CCDC85C: variants seen among roughly 807,000 people sequenced by gnomAD.
CCDC85C encodes the protein coiled-coil domain-containing protein 85C.
Under a neutral mutation model 38.3 loss-of-function variants are expected in CCDC85C, and 18 were observed. The ratio of observed to expected loss-of-function variants is 0.47; its 90% confidence interval spans 0.33 to 0.70. The LOEUF is 0.70. CCDC85C is among the 30% of genes least tolerant of loss of function. The pLI, the probability that CCDC85C is intolerant of heterozygous loss-of-function variation, is 0.03. For missense variants in CCDC85C, 566 were observed against 621.2 expected (o/e 0.91, Z 0.94); for synonymous variants, 264 against 293.8 (o/e 0.90, Z 1.04).
chr14:99,537,701 C>T (rs1408737017), intron 1 of CCDC85C, among the ~76,000 whole-genome samples: 3 of 152,210 alleles, frequency 2.0e-5, no homozygotes, highest in Admixed American at 2.0e-4. Flanking sequence ...GGCAGACCAC[C>T]CCTGCCCTCA....
At chr14:99,546,256 C>G (rs1009119440) in intron 1 of CCDC85C, among the ~76,000 whole-genome samples, 2 of 151,966 alleles carry the variant, frequency 1.3e-5, no homozygotes, top group African/African-American at 4.8e-5. Context: ...CCTGCCCCCA[C>G]AGCTCTGCCC....
intron 1 of CCDC85C, among the ~76,000 whole-genome samples, chr14:99,575,902 G>T (rs1335891758): frequency 1.3e-5 from 2 of 152,198 alleles, no homozygotes; most frequent in African/African-American, 4.8e-5. Context: ...GCCTACAGGG[G>T]GCAGAGGTAG....
intron 1 of CCDC85C, chr14:99,583,162 A>C (rs1453640181): frequency 6.6e-6 from 1 of 152,250 alleles, no homozygotes; most frequent in Non-Finnish European, 1.5e-5. Flanking sequence ...TAAACTAAAA[A>C]AAATTTTTAA....
chr14:99,563,676 A>C (rs1595088142), intron 1 of CCDC85C, among the ~76,000 whole-genome samples: 1 of 152,358 alleles, frequency 6.6e-6, no homozygotes, highest in East Asian at 1.9e-4. Context: ...AGGCAGCGGC[A>C]TGGCGCTCAC....
chr14:99,602,454 G>A (rs1211872877), intron 1 of CCDC85C, among the ~76,000 whole-genome samples: 3 of 152,208 alleles, frequency 2.0e-5, no homozygotes, highest in Admixed American at 6.5e-5. Context: ...AAACCCACGA[G>A]GCAGAGGTCA....
At chr14:99,577,302 A>T (rs1898499722) in intron 1 of CCDC85C, among the ~76,000 whole-genome samples, 1 of 151,166 alleles carries the variant, frequency 6.6e-6, no homozygotes, top group Admixed American at 6.6e-5. Flanking sequence ...AGTGTCCTAG[A>T]GCCCACTTAG....
Position 99,548,160 on chromosome 14 carries a change from G to A in CCDC85C, c.794-12072C>T, listed in dbSNP as rs1466227828. On this transcript the variant is annotated intron_variant, in intron 1 of 5. Transcript: ENST00000380243. This position sits in a 1 kb window ranked among gnomAD's most constrained non-coding sequence, Gnocchi z 4.9. The stretch of plus-strand genomic sequence containing the variant: ...TGGACAACAAGCTGCCATCTGGGAG[G>A]AGCCATGTGTAAGTCCCCTCCCAGA... Among the ~76,000 whole-genome samples the A allele has an allele frequency of 1.3e-5, 2 of 152,012 alleles. No individual in the cohort carries two copies. Among genetic ancestry groups the A allele is most frequent in the African/African-American group, 2.4e-5 (1 of 41,376 alleles).
At chr14:99,559,240 C>T (rs75597335) in intron 1 of CCDC85C, among the ~76,000 whole-genome samples, 2,916 of 151,868 alleles carry the variant, frequency 0.019, 95 homozygotes, top group African/African-American at 0.067. Flanking sequence ...CCAAAAGGAA[C>T]TGGCCCCGCT....
Position 99,503,378 on chromosome 14 carries a change from T to G in CCDC85C, c.*11868A>C. 4 of 602,270 alleles carry G rather than the reference T, an allele frequency of 6.6e-6. No homozygotes were observed. Among genetic ancestry groups the G allele is most frequent in the Non-Finnish European group, 1.2e-5 (4 of 338,180 alleles). 37.3% of individuals were successfully genotyped at this position (602,270 alleles called of 1,614,324 possible). ...CTTAGTGTTTACTCAGAACTCACCATTCAGGAAAGCTAGTCATTCTGTCTT... is the reference window on the plus strand; with the variant it reads ...CTTAGTGTTTACTCAGAACTCACCAGTCAGGAAAGCTAGTCATTCTGTCTT... On this transcript the variant is annotated 3_prime_UTR_variant, in exon 6 of 6. Transcript: ENST00000380243.
Position 99,603,587 on chromosome 14 carries a change from G to T in CCDC85C, c.373C>A (p.Gln125Lys). Residue 125 changes from glutamine to lysine, a missense_variant, in exon 1 of 6, where the codon CAG becomes AAG. This residue lies in a region of CCDC85C where 269 missense variants were observed against 308.2 expected (regional missense o/e 0.87). Coordinates refer to ENST00000380243, the MANE Select transcript of CCDC85C (RefSeq NM_001144995.2). This position sits in a 1 kb window ranked among gnomAD's most constrained non-coding sequence, Gnocchi z 7.5. ...CGCGCCTCGAGCTCGCGCAGCTTCT[G>T]CTGCGAGCGGGCCACCTCGTGCCAC... is the stretch of plus-strand genomic sequence containing the variant. ...AVWHEVARSQ[Q>K]KLRELEARQE... The T allele has an allele frequency of 7.0e-7, 1 of 1,424,648 alleles. No homozygotes were observed. Among genetic ancestry groups the T allele is most frequent in the Non-Finnish European group, 9.1e-7 (1 of 1,094,600 alleles). The allele number at this position is 1,424,648 out of a possible 1,614,324, so 88.3% of individuals were successfully genotyped here. A position where few individuals can be genotyped will look rare whatever the true frequency, so the allele number is the denominator to read the frequency against.
In CCDC85C at chr14:99,588,578, C is replaced by T. The variant is rs940248282; in HGVS notation, c.793+14589G>A. ...GCTCCTGCTGGCGATGGCGCTGGCC[C>T]GGGAGGCCTGAGGAAGCGAGCTGGG... On this transcript the variant is annotated intron_variant, in intron 1 of 5. Transcript: ENST00000380243. This position sits in a 1 kb window ranked among gnomAD's most constrained non-coding sequence, Gnocchi z 5.0. Among the ~76,000 whole-genome samples the T allele has an allele frequency of 7.9e-5, 12 of 152,010 alleles. No homozygotes were observed. The highest frequency in any genetic ancestry group is 1.4e-4 in the African/African-American group (6 of 41,388).
intron 1 of CCDC85C, among the ~76,000 whole-genome samples, chr14:99,592,738 G>C (rs2055100718): frequency 6.6e-6 from 1 of 152,248 alleles, no homozygotes; most frequent in African/African-American, 2.4e-5. Flanking sequence ...CAGAGCAGTA[G>C]ACAGGAGGGG....
chr14:99,574,962 A>T (rs993225642), intron 1 of CCDC85C, among the ~76,000 whole-genome samples: 2 of 152,186 alleles, frequency 1.3e-5, no homozygotes, highest in Non-Finnish European at 2.9e-5. Context: ...GACCCTGAGA[A>T]GCCAGTGACT....
Position 99,544,950 on chromosome 14 carries a change from C to T in CCDC85C, c.794-8862G>A, listed in dbSNP as rs928409425. 3.3e-5 allele frequency among the ~76,000 whole-genome samples: 5 copies of T among 152,096 alleles called. No homozygotes were observed. The highest frequency in any genetic ancestry group is 9.7e-5 in the African/African-American group (4 of 41,402). Reference sequence around the variant, plus strand: ...CATGCAAAAACGGAGCTGCCATGACCGGAGCCCCACACTCTCCATCTCACA... The same window carrying T: ...CATGCAAAAACGGAGCTGCCATGACTGGAGCCCCACACTCTCCATCTCACA... On this transcript the variant is annotated intron_variant, in intron 1 of 5. Coordinates refer to ENST00000380243, the MANE Select transcript of CCDC85C (RefSeq NM_001144995.2). This position sits in a 1 kb window ranked among gnomAD's most constrained non-coding sequence, Gnocchi z 5.3.
chr14:99,511,073 A>C lies in CCDC85C; in HGVS notation c.*4173T>G, dbSNP rs1192271572. The C allele has an allele frequency of 3.8e-6, 1 of 265,130 alleles. No homozygotes were observed. Among genetic ancestry groups the C allele is most frequent in the Non-Finnish European group, 7.1e-6 (1 of 141,474 alleles). The allele number at this position is 265,130 out of a possible 1,614,324, so 16.4% of individuals were successfully genotyped here. The stretch of plus-strand genomic sequence containing the variant: ...GTTACTTTATACTAGTGAGGACGTT[A>C]ACCAGCCATATTGGCTCAATAAATA... On this transcript the variant is annotated 3_prime_UTR_variant, in exon 6 of 6. Transcript: ENST00000380243.
chr14:99,595,674 G>C (rs1408636537), intron 1 of CCDC85C, among the ~76,000 whole-genome samples: 1 of 152,226 alleles, frequency 6.6e-6, no homozygotes, highest in Non-Finnish European at 1.5e-5. Context: ...AAAGGGGCAT[G>C]ATGAATAATC....
At chr14:99,560,623 T>C (rs1348321541) in intron 1 of CCDC85C, among the ~76,000 whole-genome samples, 2 of 152,232 alleles carry the variant, frequency 1.3e-5, no homozygotes, top group East Asian at 3.8e-4. Flanking sequence ...GGCATTCAAA[T>C]GCCACTGGAG....
Position 99,517,102 on chromosome 14 carries a change from C to T in CCDC85C, c.1057G>A (p.Val353Met), listed in dbSNP as rs759266737. The change falls in exon 4 of 6, where the codon GTG becomes ATG. Residue 353 changes from valine to methionine, a missense_variant. Val to Met is a conservative substitution (Grantham distance 21). This residue lies in a region of CCDC85C where 286 missense variants were observed against 276.4 expected (regional missense o/e 1.03). Transcript: ENST00000380243. ...SPAGQKPEAVVHAMKVLEVHE... is the reference protein window; with the variant it reads ...SPAGQKPEAVMHAMKVLEVHE... ...GTGGCCCTCACCTTCATGGCATGCA[C>T]GACAGCCTCGGGCTTCTGTCCTGCA... 1.4e-5 allele frequency: 21 copies of T among 1,550,480 alleles called. No individual in the cohort carries two copies. Among genetic ancestry groups the T allele is most frequent in the Non-Finnish European group, 1.7e-5 (20 of 1,146,916 alleles).
chr14:99,562,119 C>A (rs545234014), intron 1 of CCDC85C, among the ~76,000 whole-genome samples: 1 of 152,158 alleles, frequency 6.6e-6, no homozygotes, highest in Non-Finnish European at 1.5e-5. Context: ...TCATGGCCCA[C>A]GTCTTCTGGG....
Sources: gnomAD v4.1 joint callset for allele counts (sites outside exome capture counted in the v4.1 genomes callset) on GRCh38, gnomAD v4.1.1 for gene constraint, gnomAD v4.1.1 regional missense constraint, Gnocchi (gnomAD v3.1) non-coding constraint, MANE v1.5 for transcripts, NCBI Gene and HGNC (gene_info 2026-07-23, HGNC 2026-07-21) for gene names.